TCF12: variants seen among roughly 807,000 people sequenced by gnomAD.
The protein encoded by TCF12 is DNA-binding protein HTF4.
Under a neutral mutation model 86.0 loss-of-function variants are expected in TCF12, and 45 were observed. That is an observed-to-expected ratio of 0.52 (90% CI 0.41 to 0.67). The LOEUF is 0.67. Among genes scored for constraint, TCF12 ranks in the 30% least tolerant of loss-of-function variants. The probability of loss-of-function intolerance (pLI) is 0.00; values close to 1 mark genes in which losing one functional copy is unlikely to be tolerated. For synonymous variants in TCF12, 330 were observed against 299.6 expected (o/e 1.10, Z -1.05); for missense variants, 881 against 859.9 (o/e 1.02, Z -0.31).
intron 12 of TCF12, among the ~76,000 whole-genome samples, chr15:57,236,502 A>G (rs1251129781): frequency 2.0e-5 from 3 of 152,194 alleles, no homozygotes; most frequent in African/African-American, 7.2e-5. Context: ...CGCTTTTAAT[A>G]TAGCCTCTGG....
At chr15:57,160,524 A>C (rs1314922397) in intron 5 of TCF12, among the ~76,000 whole-genome samples, 1 of 152,102 alleles carries the variant, frequency 6.6e-6, no homozygotes, top group Non-Finnish European at 1.5e-5. Context: ...CCTTTGCGGT[A>C]TTTTTAGTAA....
chr15:56,960,338 C>T (rs1431295346), intron 3 of TCF12, among the ~76,000 whole-genome samples: 5 of 151,846 alleles, frequency 3.3e-5, no homozygotes, highest in Admixed American at 1.3e-4. Flanking sequence ...ATGTTTGCTG[C>T]AAGTTAGTCA....
At chr15:56,997,826 C>T (rs1289204467) in intron 3 of TCF12, among the ~76,000 whole-genome samples, 1 of 152,060 alleles carries the variant, frequency 6.6e-6, no homozygotes, top group Non-Finnish European at 1.5e-5. Context: ...TGGAAACTTA[C>T]TTTAAATATG....
chr15:57,267,084 G>A (rs539140019), intron 18 of TCF12, among the ~76,000 whole-genome samples: 3 of 152,140 alleles, frequency 2.0e-5, no homozygotes, highest in East Asian at 1.9e-4. Flanking sequence ...GTATATTTGT[G>A]GTACACCCTA....
chr15:57,278,931 T>C (rs542020763), intron 19 of TCF12, among the ~76,000 whole-genome samples: 1 of 101,016 alleles, frequency 9.9e-6, no homozygotes, highest in South Asian at 4.0e-4. Flanking sequence ...TCCTCCTGTC[T>C]TCCTTCCTTC....
rs191555626 is a variant in TCF12 at position 56,937,051 on chromosome 15, G to T, written c.148+15953G>T. Among the ~76,000 whole-genome samples the T allele has an allele frequency of 1.4e-4, 21 of 152,190 alleles. No homozygotes were observed. The East Asian group carries it at 3.9e-3, about 28-fold the overall frequency. On this transcript the variant is annotated intron_variant, in intron 3 of 20. Transcript: ENST00000333725. ...GGGAATTGCATTGAATTTGTGGATT[G>T]CTTTTGGCAGTATGGTCATTTTCAC...
At chr15:57,219,144 G>A in intron 8 of TCF12, 1 of 1,066,916 alleles carries the variant, frequency 9.4e-7, no homozygotes, top group Non-Finnish European at 1.1e-6. Context: ...CAGAAAATCT[G>A]TCAGTATGCC....
chr15:57,281,496 G>GAACGA (rs2061686598), intron 19 of TCF12, among the ~76,000 whole-genome samples: 1 of 152,138 alleles, frequency 6.6e-6, no homozygotes, highest in African/African-American at 2.4e-5. Context: ...GGCCTGTTAC[G>GAACGA]AACGAACGGG....
chr15:57,162,964 A>G (rs913467965), intron 5 of TCF12, among the ~76,000 whole-genome samples: 1 of 152,124 alleles, frequency 6.6e-6, no homozygotes, highest in Non-Finnish European at 1.5e-5. Context: ...TCACGAGGTC[A>G]GGAGTTCGAG....
intron 5 of TCF12, among the ~76,000 whole-genome samples, chr15:57,096,498 C>A (rs1158661259): frequency 1.3e-5 from 2 of 151,946 alleles, no homozygotes. Context: ...GGGATTGGGT[C>A]CCCTGATGCT....
chr15:57,264,176 C>CT (rs1384597317), intron 18 of TCF12, among the ~76,000 whole-genome samples: 2 of 42,594 alleles, frequency 4.7e-5, no homozygotes, highest in African/African-American at 1.6e-4. Context: ...AATATATTTT[C>CT]TTTAAGTTCT....
rs148627722 is a variant in TCF12 at position 56,995,776 on chromosome 15, T to C, written c.149-67974T>C. 7.2e-3 allele frequency among the ~76,000 whole-genome samples: 1,101 copies of C among 152,238 alleles called. 12 individuals carry two copies. The highest frequency in any genetic ancestry group is 0.025 in the African/African-American group (1,024 of 41,562). ...CATCTTCTTTTCCTATTTGGATGGC[T>C]TTTATTTCTTGCTGTTGCCTGATTG... is the stretch of plus-strand genomic sequence containing the variant. On this transcript the variant is annotated intron_variant, in intron 3 of 20. Coordinates refer to ENST00000333725, the MANE Select transcript of TCF12 (RefSeq NM_207037.2).
chr15:57,098,157 C>A (rs1299177391), intron 5 of TCF12, among the ~76,000 whole-genome samples: 1 of 152,062 alleles, frequency 6.6e-6, no homozygotes, highest in African/African-American at 2.4e-5. Context: ...TGCACTCCAG[C>A]CTGGATGACA....
At chr15:56,999,494 A>C (rs2063898214) in intron 3 of TCF12, among the ~76,000 whole-genome samples, 2 of 152,192 alleles carry the variant, frequency 1.3e-5, no homozygotes, top group African/African-American at 4.8e-5. Context: ...TTGACAACTT[A>C]GGTGAAATAG....
chr15:57,201,222 A>G (rs752861596), intron 8 of TCF12, among the ~76,000 whole-genome samples: 4 of 152,120 alleles, frequency 2.6e-5, no homozygotes, highest in South Asian at 4.2e-4. Flanking sequence ...TACAAACACC[A>G]TAATTGTCTT....
intron 3 of TCF12, among the ~76,000 whole-genome samples, chr15:57,040,690 C>G (rs1223742949): frequency 6.6e-6 from 1 of 152,146 alleles, no homozygotes; most frequent in South Asian, 2.1e-4. Context: ...GAGAATATCT[C>G]ATGATCAGAT....
chr15:57,047,875 C>T (rs1174887773), intron 3 of TCF12, among the ~76,000 whole-genome samples: 1 of 152,238 alleles, frequency 6.6e-6, no homozygotes, highest in African/African-American at 2.4e-5. Flanking sequence ...TAGCTTACTA[C>T]ACACCTAAGG....
intron 5 of TCF12, among the ~76,000 whole-genome samples, chr15:57,161,515 A>G (rs1242741701): frequency 1.3e-5 from 2 of 152,174 alleles, no homozygotes; most frequent in African/African-American, 4.8e-5. Flanking sequence ...TTTGCACACA[A>G]GTTATGTGTC....
In TCF12 at chr15:57,253,362, G is replaced by A. The variant is rs1375215256; in HGVS notation, c.1361G>A (p.Ser454Asn). The change falls in exon 16 of 21, where the codon AGT (serine) becomes AAT (asparagine). Residue 454 changes from serine (S) to asparagine (N), a missense_variant. Ser to Asn is a conservative substitution (Grantham distance 46). Around this residue, in one of 3 missense-constraint regions of TCF12, gnomAD observed 766 missense variants for 718.9 expected, o/e 1.07. Coordinates refer to ENST00000333725, the MANE Select transcript of TCF12 (RefSeq NM_207037.2). ...GPSTSLPAGH[S>N]DIHSLLGPSH... is the part of the protein sequence containing the mutation. ...TCCACCAGTTTGCCTGCTGGTCACA[G>A]TGATATACATAGTTTATTGGGACCA... The A allele has an allele frequency of 1.9e-6, 3 of 1,613,920 alleles. No individual in the cohort carries two copies. Among genetic ancestry groups the A allele is most frequent in the Non-Finnish European group, 2.5e-6 (3 of 1,179,988 alleles).
Sources: allele counts gnomAD v4.1 joint callset (sites outside exome capture counted in the v4.1 genomes callset), GRCh38; gene constraint gnomAD v4.1.1; regional missense constraint gnomAD v4.1.1; transcripts MANE v1.5; gene names NCBI Gene and HGNC (gene_info 2026-07-23, HGNC 2026-07-21).